SERGEF: variants seen among roughly 807,000 people sequenced by gnomAD.
SERGEF encodes secretion-regulating guanine nucleotide exchange factor.
Under a neutral mutation model 50.0 loss-of-function variants are expected in SERGEF, and 51 were observed. The ratio of observed to expected loss-of-function variants is 1.02; its 90% CI spans 0.81 to 1.29. The LOEUF (loss-of-function observed/expected upper bound fraction) is 1.29. SERGEF is among the 50% of genes most tolerant of loss of function. The pLI, the probability that SERGEF is intolerant of heterozygous loss-of-function variation, is 0.00. For synonymous variants in SERGEF, 205 were observed against 212.4 expected (o/e 0.97, Z 0.30); for missense variants, 521 against 557.0 (o/e 0.94, Z 0.65).
At position 17,878,262 on chromosome 11, in the gene SERGEF, G is replaced by C. The variant is rs1390428920; in HGVS notation, c.1012-18C>G. ...CAAGAGACCTGTAAAAAAAAAAAAAGACAAAGAAAATGGATAGATATTTCA... is the reference window on the plus strand; with the variant it reads ...CAAGAGACCTGTAAAAAAAAAAAAACACAAAGAAAATGGATAGATATTTCA... On this transcript the variant is annotated intron_variant, in intron 9 of 10. Transcript: ENST00000265965. 2.2e-6 allele frequency: 3 copies of C among 1,391,404 alleles called. No homozygotes were observed. The highest frequency in any genetic ancestry group is 3.0e-6 in the Non-Finnish European group (3 of 1,010,730). The allele number at this position is 1,391,404 out of a possible 1,614,324, so 86.2% of individuals were successfully genotyped here.
rs1851387116 is a variant in SERGEF, at chr11:17,884,186, G to GTGC, written c.1012-5945_1012-5943dup. ...TGCCAATGAGCCCGGGCGCCTTCAG[G>GTGC]TGCTATGGCAACGAGGCGTACGTGC... On this transcript the variant is annotated intron_variant, in intron 9 of 10. Coordinates refer to ENST00000265965, the MANE Select transcript of SERGEF (RefSeq NM_012139.4). This position sits in a 1 kb window ranked among gnomAD's most constrained non-coding sequence, Gnocchi z 4.6. 1.3e-5 allele frequency among the ~76,000 whole-genome samples: 2 copies of GTGC among 152,338 alleles called. No homozygotes were observed. The highest frequency in any genetic ancestry group is 2.9e-5 in the Non-Finnish European group (2 of 68,022).
rs552152895 is a variant in SERGEF, at chr11:17,951,438, C to G, written c.1011+8032G>C. On this transcript the variant is annotated intron_variant, in intron 9 of 10. Coordinates refer to ENST00000265965, the MANE Select transcript of SERGEF (RefSeq NM_012139.4). ...AGAACAGAAAGTCCAACCCAAGTCA[C>G]GCTCTACGTTTAAGACTCTGTCCAT... 4.1e-4 allele frequency among the ~76,000 whole-genome samples: 62 copies of G among 152,306 alleles called. No homozygotes were observed. In the South Asian group the frequency reaches 0.013, roughly 32 times the overall value.
chr11:17,883,887 A>T (rs1173120270), intron 9 of SERGEF, among the ~76,000 whole-genome samples: 6 of 151,806 alleles, frequency 4.0e-5, no homozygotes, highest in African/African-American at 1.5e-4. Context: ...CTCCTCATGG[A>T]TACCCATGGC....
intron 9 of SERGEF, among the ~76,000 whole-genome samples, chr11:17,885,489 T>C (rs1445079567): frequency 6.8e-6 from 1 of 147,688 alleles, no homozygotes; most frequent in East Asian, 2.0e-4. Flanking sequence ...GCCTGGCCAA[T>C]TTTTTTTTTT....
intron 1 of SERGEF, 104 bp downstream of exon 1, chr11:18,012,847 G>A: frequency 2.7e-6 from 4 of 1,496,416 alleles, no homozygotes; most frequent in Middle Eastern, 1.9e-4. Context: ...AGCCCGGCTC[G>A]GACCTCAGCC....
chr11:17,904,141 C>T (rs1338372607), intron 9 of SERGEF, among the ~76,000 whole-genome samples: 1 of 152,184 alleles, frequency 6.6e-6, no homozygotes, highest in African/African-American at 2.4e-5. Context: ...GCTTTAGACC[C>T]TGTGTTGATT....
intron 4 of SERGEF, among the ~76,000 whole-genome samples, chr11:18,001,095 C>T (rs1853950637): frequency 6.6e-6 from 1 of 152,214 alleles, no homozygotes; most frequent in South Asian, 2.1e-4. Flanking sequence ...ATCGCCATTT[C>T]CCCAGGTGCC....
At chr11:17,967,302 C>T (rs1201489899) in intron 8 of SERGEF, among the ~76,000 whole-genome samples, 2 of 152,158 alleles carry the variant, frequency 1.3e-5, no homozygotes, top group Non-Finnish European at 2.9e-5. Flanking sequence ...GACCTCAGCT[C>T]CACTTTTCAC....
intron 9 of SERGEF, among the ~76,000 whole-genome samples, chr11:17,890,805 A>G (rs1851518669): frequency 6.6e-6 from 1 of 152,246 alleles, no homozygotes; most frequent in Admixed American, 6.5e-5. Flanking sequence ...CAGGGAAAGT[A>G]TAAGATGAAC....
intron 9 of SERGEF, among the ~76,000 whole-genome samples, chr11:17,880,772 G>T (rs907458042): frequency 2.6e-5 from 4 of 151,992 alleles, no homozygotes; most frequent in African/African-American, 9.7e-5. Context: ...AAGTAGTGGG[G>T]GAAAAGGATT....
intron 10 of SERGEF, among the ~76,000 whole-genome samples, chr11:17,872,803 T>C (rs951458757): frequency 2.4e-4 from 36 of 152,234 alleles, no homozygotes; most frequent in African/African-American, 8.7e-4. Flanking sequence ...TATGTAACTG[T>C]AAAAAAAGAA....
chr11:17,938,962 C>T (rs1852508099), intron 9 of SERGEF, among the ~76,000 whole-genome samples: 1 of 152,190 alleles, frequency 6.6e-6, no homozygotes, highest in African/African-American at 2.4e-5. Flanking sequence ...AGCCTGGCTA[C>T]AGATTTCCTC....
intron 9 of SERGEF, among the ~76,000 whole-genome samples, chr11:17,904,586 C>T (rs201531050): frequency 2.0e-4 from 31 of 152,140 alleles, no homozygotes; most frequent in Non-Finnish European, 3.5e-4. Context: ...AGTGACAAGT[C>T]CTAGTTTAAG....
At position 17,812,157 on chromosome 11, in the gene SERGEF, C is replaced by T. The variant is rs550124286; in HGVS notation, c.1049-23744G>A. Among the ~76,000 whole-genome samples, 6 of 152,276 alleles carry T rather than the reference C, an allele frequency of 3.9e-5. No homozygotes were observed. The East Asian group carries it at 9.7e-4, about 25-fold the overall frequency. On this transcript the variant is annotated intron_variant, in intron 10 of 10. Transcript: ENST00000265965. The stretch of plus-strand genomic sequence containing the variant: ...GCCCCAACCCACTTCTCCATGGCAA[C>T]GAGCTGACAGAAAACTGCACGGGAG...
chr11:17,921,235 A>AT (rs1232589962), intron 9 of SERGEF, among the ~76,000 whole-genome samples: 2 of 152,198 alleles, frequency 1.3e-5, no homozygotes, highest in African/African-American at 4.8e-5. Flanking sequence ...AAAGAAAGTA[A>AT]TTTTTTTAAG....
chr11:17,990,976 C>G (rs1853702713), intron 7 of SERGEF, among the ~76,000 whole-genome samples: 1 of 151,886 alleles, frequency 6.6e-6, no homozygotes. Flanking sequence ...CAAAAAAACT[C>G]CATTTTTTAG....
chr11:17,891,651 T>C (rs1851533259), intron 9 of SERGEF, among the ~76,000 whole-genome samples: 1 of 152,196 alleles, frequency 6.6e-6, no homozygotes, highest in African/African-American at 2.4e-5. Context: ...GACAGTCACA[T>C]AGAAAACTTG....
intron 9 of SERGEF, among the ~76,000 whole-genome samples, chr11:17,928,357 G>A (rs1326167467): frequency 3.9e-5 from 6 of 152,076 alleles, no homozygotes; most frequent in African/African-American, 1.4e-4. Context: ...ACAAACTCTG[G>A]GGTCACAGAC....
At chr11:17,910,769 A>G (rs1224959450) in intron 9 of SERGEF, among the ~76,000 whole-genome samples, 1 of 146,652 alleles carries the variant, frequency 6.8e-6, no homozygotes, top group African/African-American at 2.6e-5. Flanking sequence ...TGAAGAAGAA[A>G]GATATCTATA....
Sources: allele counts gnomAD v4.1 joint callset (sites outside exome capture counted in the v4.1 genomes callset), GRCh38; gene constraint gnomAD v4.1.1; non-coding constraint Gnocchi (gnomAD v3.1); transcripts MANE v1.5; gene names NCBI Gene and HGNC (gene_info 2026-07-23, HGNC 2026-07-21).